The following PPP2R2C variants were observed in gnomAD, a reference collection of about 807,000 sequenced individuals.
PPP2R2C encodes protein phosphatase 2 regulatory subunit Bgamma.
In PPP2R2C, 10 loss-of-function variants were observed where a neutral mutation model predicts 45.3. The ratio of observed to expected loss-of-function variants is 0.22; its 90% CI spans 0.14 to 0.37. The LOEUF (loss-of-function observed/expected upper bound fraction) is 0.37, where lower values mean the gene tolerates loss of function less well. Among genes scored for constraint, PPP2R2C ranks in the 10% least tolerant of loss-of-function variants. The pLI is 1.00. For synonymous variants in PPP2R2C, 257 were observed against 245.4 expected (o/e 1.05, Z -0.44); for missense variants, 308 against 619.7 (o/e 0.50, Z 5.34).
At position 6,323,475 on chromosome 4, in the gene PPP2R2C, G is replaced by A. The variant is rs750077410; in HGVS notation, c.1171C>T (p.Arg391Trp). 3 of 1,612,630 alleles carry A rather than the reference G, an allele frequency of 1.9e-6. No homozygotes were observed. Among genetic ancestry groups the A allele is most frequent in the Non-Finnish European group, 8.5e-7 (1 of 1,178,818 alleles). ...SSKPRAVLKP[R>W]RVCVGGKRRR... ...CGCTTGCCCCCCACGCACACGCGCC[G>A]TGGCTTGAGCACAGCCCGGGGCTTG... Residue 391 changes from arginine (R) to tryptophan (W), a missense_variant, in exon 9 of 9, where the codon CGG becomes TGG. Arg to Trp is a moderately radical substitution (Grantham distance 101). Coordinates refer to ENST00000382599, the MANE Select transcript of PPP2R2C (RefSeq NM_020416.4).
intron 1 of PPP2R2C, among the ~76,000 whole-genome samples, chr4:6,539,149 AAG>A (rs71999244): frequency 0.23 from 35,336 of 150,772 alleles, 4,830 homozygotes; most frequent in Admixed American, 0.31. Context: ...AAAAAAAAAA[AAG>A]AGAGAGAGGG....
chr4:6,509,121 A>G (rs1227267899), intron 2 of PPP2R2C, among the ~76,000 whole-genome samples: 1 of 152,226 alleles, frequency 6.6e-6, no homozygotes, highest in East Asian at 1.9e-4. Context: ...TCTTAAGGAT[A>G]ATCAGATCAT....
chr4:6,553,448 G>C (rs1725251177), intron 1 of PPP2R2C, among the ~76,000 whole-genome samples: 1 of 152,214 alleles, frequency 6.6e-6, no homozygotes, highest in Non-Finnish European at 1.5e-5. Flanking sequence ...GCCCAACACA[G>C]TAAGGCACGG....
chr4:6,426,443 C>G (rs1233283535), intron 1 of PPP2R2C, among the ~76,000 whole-genome samples: 1 of 152,206 alleles, frequency 6.6e-6, no homozygotes, highest in Non-Finnish European at 1.5e-5. Flanking sequence ...TCCTGTGTTC[C>G]TGGCTTCAGG....
At chr4:6,401,273 T>G (rs1717392607) in intron 1 of PPP2R2C, among the ~76,000 whole-genome samples, 1 of 152,120 alleles carries the variant, frequency 6.6e-6, no homozygotes, top group Non-Finnish European at 1.5e-5. Flanking sequence ...AAGGAAGCAG[T>G]TTCGCCAAAG....
intron 2 of PPP2R2C, chr4:6,535,129 G>C (rs1248185461): frequency 1.4e-5 from 14 of 982,894 alleles, no homozygotes; most frequent in Non-Finnish European, 2.1e-5. Flanking sequence ...CCAGGGGCCA[G>C]AGCAGGGGAG....
intron 1 of PPP2R2C, among the ~76,000 whole-genome samples, chr4:6,560,030 A>G (rs73796265): frequency 0.021 from 3,136 of 152,362 alleles, 114 homozygotes; most frequent in African/African-American, 0.072. Flanking sequence ...ATTCCACGTC[A>G]AAATTGACAT....
rs1049161938 is a variant in PPP2R2C at position 6,330,379 on chromosome 4, G to C, written c.961-1026C>G. Reference sequence around the variant, plus strand: ...GTGTGAACGTCAATTTCGTGTGTCAGCTTGGCTGGGCCAAGGTACCCAGAT... The same window carrying C: ...GTGTGAACGTCAATTTCGTGTGTCACCTTGGCTGGGCCAAGGTACCCAGAT... On this transcript the variant is annotated intron_variant, in intron 7 of 8. Transcript: ENST00000382599. This position sits in a 1 kb window ranked among gnomAD's most constrained non-coding sequence, Gnocchi z 7.0. Among the ~76,000 whole-genome samples, 2 of 152,220 alleles carry C rather than the reference G, an allele frequency of 1.3e-5. No homozygotes were observed. Among genetic ancestry groups the C allele is most frequent in the African/African-American group, 4.8e-5 (2 of 41,462 alleles).
chr4:6,488,746 T>C (rs1722606181), intron 2 of PPP2R2C, among the ~76,000 whole-genome samples: 1 of 152,130 alleles, frequency 6.6e-6, no homozygotes, highest in Non-Finnish European at 1.5e-5. Context: ...TTGCTAAGGA[T>C]GCTTGCAGAA....
chr4:6,403,911 A>G (rs996159490), intron 1 of PPP2R2C, among the ~76,000 whole-genome samples: 1 of 150,782 alleles, frequency 6.6e-6, no homozygotes, highest in Admixed American at 6.6e-5. Context: ...CCTGACAGGG[A>G]TACACTGTGC....
intron 8 of PPP2R2C, among the ~76,000 whole-genome samples, chr4:6,325,037 C>T (rs968365864): frequency 5.3e-5 from 8 of 152,156 alleles, no homozygotes; most frequent in African/African-American, 1.9e-4. Context: ...CAGGTGGATC[C>T]CTGGGTCTCC....
intron 2 of PPP2R2C, among the ~76,000 whole-genome samples, chr4:6,510,980 C>CAACAAA (rs1553905389): frequency 9.7e-5 from 4 of 41,342 alleles, no homozygotes; most frequent in Admixed American, 3.0e-4. Context: ...CCGTCTCAAA[C>CAACAAA]AAAAAAAAAC....
intron 2 of PPP2R2C, among the ~76,000 whole-genome samples, chr4:6,484,727 C>A (rs1170716813): frequency 6.6e-6 from 1 of 151,784 alleles, no homozygotes; most frequent in Admixed American, 6.6e-5. Flanking sequence ...TTCCTTCCTA[C>A]CTCATATCAT....
chr4:6,448,985 C>A (rs1720587542), intron 1 of PPP2R2C, among the ~76,000 whole-genome samples: 1 of 152,346 alleles, frequency 6.6e-6, no homozygotes, highest in African/African-American at 2.4e-5. Flanking sequence ...GGGACCCAGG[C>A]CAGGTTCAGG....
At position 6,320,882 on chromosome 4, in the gene PPP2R2C, A is replaced by G. The variant is rs1731510299; in HGVS notation, c.*2420T>C. On this transcript the variant is annotated 3_prime_UTR_variant, in exon 9 of 9. Transcript: ENST00000382599. ...GCCCGTACATTCGAGAGTACCAGGA[A>G]ATGTAAGCAGAGCCAGGATGCAAGT... 6.6e-6 allele frequency: 1 copy of G among 152,196 alleles called. No individual in the cohort carries two copies. The highest frequency in any genetic ancestry group is 2.4e-5 in the African/African-American group (1 of 41,442). 9.4% of individuals were successfully genotyped at this position (152,196 alleles called of 1,614,324 possible).
chr4:6,419,773 G>A (rs1718845408), intron 1 of PPP2R2C, among the ~76,000 whole-genome samples: 1 of 152,144 alleles, frequency 6.6e-6, no homozygotes, highest in South Asian at 2.1e-4. Context: ...AAGCTCTGAG[G>A]GAGGAGCCGC....
chr4:6,327,788 G>A (rs972220643), intron 8 of PPP2R2C, among the ~76,000 whole-genome samples: 6 of 152,122 alleles, frequency 3.9e-5, no homozygotes, highest in African/African-American at 1.4e-4. Flanking sequence ...GGCCCCCTGT[G>A]ATCACCATGC....
intron 1 of PPP2R2C, among the ~76,000 whole-genome samples, chr4:6,461,598 A>G (rs116829026): frequency 1.8e-3 from 279 of 152,320 alleles, no homozygotes; most frequent in African/African-American, 6.3e-3. Context: ...GGAGCCCCGC[A>G]TCACTCTGTG....
chr4:6,332,069 G>T lies in PPP2R2C; in HGVS notation c.960+1493C>A, dbSNP rs544097839. 6.6e-5 allele frequency among the ~76,000 whole-genome samples: 10 copies of T among 152,310 alleles called. No homozygotes were observed. Among genetic ancestry groups the T allele is most frequent in the Admixed American group, 4.6e-4 (7 of 15,306 alleles). On this transcript the variant is annotated intron_variant, in intron 7 of 8. Coordinates refer to ENST00000382599, the MANE Select transcript of PPP2R2C (RefSeq NM_020416.4). This position sits in a 1 kb window ranked among gnomAD's most constrained non-coding sequence, Gnocchi z 4.9. ...CCCTCCTTCGTGGGGTCCTTCATGA[G>T]AATTTCAGAAAGCTGTGTCCCCCTC...
Sources: gnomAD v4.1 joint callset for allele counts (sites outside exome capture counted in the v4.1 genomes callset) on GRCh38, gnomAD v4.1.1 for gene constraint, Gnocchi (gnomAD v3.1) non-coding constraint, MANE v1.5 for transcripts, NCBI Gene and HGNC (gene_info 2026-07-23, HGNC 2026-07-21) for gene names.